The following DBT variants were observed in gnomAD, a reference collection of about 807,000 sequenced individuals.
DBT encodes dihydrolipoamide branched chain transacylase E2, also known as lipoamide acyltransferase component of branched-chain alpha-keto acid dehydrogenase complex, mitochondrial.
In DBT, 40 loss-of-function variants were observed where a neutral mutation model predicts 51.3. That is an observed-to-expected ratio of 0.78 (90% CI 0.61 to 1.02). The LOEUF is 1.02. Among genes scored for constraint, DBT ranks in the 50% least tolerant of loss-of-function variants. The pLI, the probability that DBT is intolerant of heterozygous loss-of-function variation, is 0.00. For synonymous variants in DBT, 181 were observed against 190.4 expected, an observed-to-expected ratio of 0.95 and a Z score of 0.41; for missense variants, 510 against 580.2, an observed-to-expected ratio of 0.88 and a Z score of 1.24.
At chr1:100,237,662 AG>A (rs1663960987) in intron 2 of DBT, among the ~76,000 whole-genome samples, 1 of 152,138 alleles carries the variant, frequency 6.6e-6, no homozygotes, top group South Asian at 2.1e-4. Flanking sequence ...TTTTAGAGAC[AG>A]GGTCTCACTC....
At chr1:100,227,413 GCCCC>G in intron 4 of DBT, among the ~76,000 whole-genome samples, 1 of 9,466 alleles carries the variant, frequency 1.1e-4, no homozygotes, top group Non-Finnish European at 6.9e-4. Context: ...CATACAGATA[GCCCC>G]AATACAGATA....
intron 10 of DBT, among the ~76,000 whole-genome samples, chr1:100,202,454 A>G (rs1460646194): frequency 6.6e-6 from 1 of 152,230 alleles, no homozygotes. Flanking sequence ...TCCACACAAT[A>G]ATAATGGGAG....
At position 100,187,700 on chromosome 1, in the gene DBT, A is replaced by ATTTTTT. The variant is rs886044938; in HGVS notation, c.*8549_*8554dup. ...CCACCAGGCCTGGCTAACTTTTTGT[A>ATTTTTT]TTTTTTTTTTTTTTTTTGTAGAGAC... On this transcript the variant is annotated 3_prime_UTR_variant, in exon 11 of 11. Coordinates refer to ENST00000370132, the MANE Select transcript of DBT (RefSeq NM_001918.5). The ATTTTTT allele has an allele frequency of 2.4e-5, 3 of 124,174 alleles. No homozygotes were observed. The highest frequency in any genetic ancestry group is 8.9e-5 in the African/African-American group (3 of 33,728). The allele number at this position is 124,174 out of a possible 1,614,324, so 7.7% of individuals were successfully genotyped here.
chr1:100,233,705 T>G (rs1488432868), intron 3 of DBT, among the ~76,000 whole-genome samples: 2 of 152,226 alleles, frequency 1.3e-5, no homozygotes, highest in Non-Finnish European at 2.9e-5. Context: ...ATTTATAACC[T>G]GACGCATCCA....
chr1:100,249,800 C>A lies in DBT; in HGVS notation c.21G>T (p.Leu7=). The change falls in exon 1 of 11, where the codon CTG becomes CTT. Residue 7 remains leucine (L), a synonymous_variant. Transcript: ENST00000370132. ...TCCCCGCATTCCTGCTCCAGGTTCT[C>A]AGCATACGGACTGCAGCCATCTTAC... is the stretch of plus-strand genomic sequence containing the variant. MAAVRM[L]RTWSRNAGKL... is the part of the protein sequence containing the mutation. 6.2e-7 allele frequency: 1 copy of A among 1,614,216 alleles called. No homozygotes were observed. Among genetic ancestry groups the A allele is most frequent in the Non-Finnish European group, 8.5e-7 (1 of 1,180,030 alleles).
intron 10 of DBT, among the ~76,000 whole-genome samples, chr1:100,205,114 T>C (rs1171338829): frequency 1.3e-5 from 2 of 152,122 alleles, no homozygotes; most frequent in Admixed American, 6.5e-5. Flanking sequence ...TCAGATGTAA[T>C]GAAACTAAAG....
At position 100,196,015 on chromosome 1, in the gene DBT, A is replaced by G; in HGVS notation, c.*240T>C. 2 of 548,012 alleles carry G rather than the reference A, an allele frequency of 3.6e-6. No individual in the cohort carries two copies. Among genetic ancestry groups the G allele is most frequent in the Non-Finnish European group, 6.5e-6 (2 of 307,500 alleles). The allele number at this position is 548,012 out of a possible 1,614,324, so 33.9% of individuals were successfully genotyped here. On this transcript the variant is annotated 3_prime_UTR_variant, in exon 11 of 11. Coordinates refer to ENST00000370132, the MANE Select transcript of DBT (RefSeq NM_001918.5). ...AAGCCATTGACACAAAAACATCAGC[A>G]CCATATTAAGAAGTCACACTCTGAC...
At chr1:100,212,731 CCA>C (rs1352249744) in intron 7 of DBT, among the ~76,000 whole-genome samples, 2 of 152,130 alleles carry the variant, frequency 1.3e-5, no homozygotes, top group African/African-American at 4.8e-5. Flanking sequence ...CTGTACCTGA[CCA>C]CAGTTTGGGA....
chr1:100,235,339 G>T, intron 3 of DBT, 97 bp downstream of exon 3: 1 of 651,846 alleles, frequency 1.5e-6, no homozygotes. Flanking sequence ...AATTTAAATG[G>T]ATTCCCACTA....
At chr1:100,221,878 T>C (rs527288780) in intron 4 of DBT, among the ~76,000 whole-genome samples, 1 of 152,342 alleles carries the variant, frequency 6.6e-6, no homozygotes, top group Admixed American at 6.5e-5. Context: ...TTCTTAGGTA[T>C]TTCTAAGAAT....
Position 100,193,984 on chromosome 1 carries a change from T to G in DBT, c.*2271A>C, listed in dbSNP as rs768839953. ...ATAATATAATGTTAAATTTTAAAAATCAAATAATAAAATAGTAGATATGCT... is the reference window on the plus strand; with the variant it reads ...ATAATATAATGTTAAATTTTAAAAAGCAAATAATAAAATAGTAGATATGCT... On this transcript the variant is annotated 3_prime_UTR_variant, in exon 11 of 11. Coordinates refer to ENST00000370132, the MANE Select transcript of DBT (RefSeq NM_001918.5). The G allele has an allele frequency of 3.3e-5, 5 of 152,142 alleles. No homozygotes were observed. The highest frequency in any genetic ancestry group is 4.8e-5 in the African/African-American group (2 of 41,434). The allele number at this position is 152,142 out of a possible 1,614,324, so 9.4% of individuals were successfully genotyped here. A position where few individuals can be genotyped will look rare whatever the true frequency, so the allele number is the denominator to read the frequency against.
intron 5 of DBT, among the ~76,000 whole-genome samples, chr1:100,217,097 T>G (rs900769642): frequency 2.0e-5 from 3 of 152,104 alleles, no homozygotes; most frequent in Admixed American, 1.3e-4. Context: ...ACTCAATTCA[T>G]AAATATGCAA....
At chr1:100,214,477 G>A (rs1367456214) in intron 7 of DBT, among the ~76,000 whole-genome samples, 1 of 152,204 alleles carries the variant, frequency 6.6e-6, no homozygotes, top group East Asian at 1.9e-4. Context: ...TTGGGGCCAG[G>A]TATGGTGGCT....
In DBT at chr1:100,210,745, A is replaced by G. The variant is rs1374428865; in HGVS notation, c.966T>C (p.Phe322=). The G allele has an allele frequency of 6.2e-7, 1 of 1,613,774 alleles. No individual in the cohort carries two copies. Among genetic ancestry groups the G allele is most frequent in the South Asian group, 1.1e-5 (1 of 91,072 alleles). The change falls in exon 8 of 11, where the codon TTT becomes TTC. Residue 322 remains phenylalanine (F), a synonymous_variant. Transcript: ENST00000370132. ...CATCCACAGAAGCGTTAAGGATAGG[A>G]AACTGTAGTAATCCCAAGGAAGCAG... The part of the protein sequence containing the change: ...LKAASLGLLQ[F]PILNASVDEN...
At chr1:100,213,493 T>A (rs960314221) in intron 7 of DBT, 2 of 1,543,320 alleles carry the variant, frequency 1.3e-6, no homozygotes, top group African/African-American at 2.7e-5. Flanking sequence ...TCATCCGCTA[T>A]CCTACCAACT....
At chr1:100,230,645 A>T (rs1195388448) in intron 4 of DBT, 88 bp downstream of exon 4, 3 of 851,706 alleles carry the variant, frequency 3.5e-6, no homozygotes, top group Non-Finnish European at 5.5e-6. Context: ...AAAAAAACAA[A>T]AAAACAAAGA....
rs766030719 is a variant in DBT at position 100,191,094 on chromosome 1, C to T, written c.*5161G>A. 2 of 152,108 alleles carry T rather than the reference C, an allele frequency of 1.3e-5. No homozygotes were observed. The highest frequency in any genetic ancestry group is 1.3e-4 in the Admixed American group (2 of 15,268). 9.4% of individuals were successfully genotyped at this position (152,108 alleles called of 1,614,324 possible). A position where few individuals can be genotyped will look rare whatever the true frequency, so the allele number is the denominator to read the frequency against. On this transcript the variant is annotated 3_prime_UTR_variant, in exon 11 of 11. Coordinates refer to ENST00000370132, the MANE Select transcript of DBT (RefSeq NM_001918.5). ...CTAGGATTGGGAATTTTAACTTAACCTTTTACCTTTTACCATAATTAAGGT... is the reference window on the plus strand; with the variant it reads ...CTAGGATTGGGAATTTTAACTTAACTTTTTACCTTTTACCATAATTAAGGT...
chr1:100,238,470 C>T (rs1664029077), intron 2 of DBT, among the ~76,000 whole-genome samples: 1 of 150,116 alleles, frequency 6.7e-6, no homozygotes, highest in Admixed American at 6.7e-5. Flanking sequence ...CCTTCTCCTC[C>T]TCCTTCTTCT....
At chr1:100,246,888 C>T (rs760542293) in intron 1 of DBT, among the ~76,000 whole-genome samples, 7 of 152,114 alleles carry the variant, frequency 4.6e-5, no homozygotes, top group Non-Finnish European at 7.4e-5. Flanking sequence ...TAAGACCTGA[C>T]GGATGAGTAG....
Sources: allele counts gnomAD v4.1 joint callset (sites outside exome capture counted in the v4.1 genomes callset), GRCh38; gene constraint gnomAD v4.1.1; transcripts MANE v1.5; gene names NCBI Gene and HGNC (gene_info 2026-07-23, HGNC 2026-07-21).